C19orf47: variants seen among roughly 807,000 people sequenced by gnomAD.
C19orf47 encodes uncharacterized protein C19orf47.
C19orf47 carries 18 observed loss-of-function variants against 32.3 expected under a neutral mutation model. The observed-to-expected ratio is 0.56, with a 90% CI of 0.39 to 0.83. The LOEUF is 0.83. Among genes scored for constraint, C19orf47 ranks in the 40% least tolerant of loss-of-function variants. The pLI is 0.00. For missense variants in C19orf47, 484 were observed against 531.6 expected (o/e 0.91, Z 0.88); for synonymous variants, 202 against 211.1 (o/e 0.96, Z 0.37).
the C19orf47 span, among the ~76,000 whole-genome samples, chr19:40,310,592 T>A: frequency 6.6e-6 from 1 of 152,156 alleles, no homozygotes; most frequent in African/African-American, 2.4e-5. Flanking sequence ...ATTGTTCACT[T>A]TAAATGAGTG....
chr19:40,305,003 C>T, the C19orf47 span, among the ~76,000 whole-genome samples: 6 of 151,764 alleles, frequency 4.0e-5, no homozygotes, highest in African/African-American at 1.5e-4. Context: ...CTGAGGTGGG[C>T]GGATCACTTG....
chr19:40,336,312 C>A lies in C19orf47; in HGVS notation c.107+8G>T, dbSNP rs554482093. On this transcript the variant is annotated splice_region_variant and intron_variant, in intron 3 of 8. Coordinates refer to ENST00000683109, the MANE Select transcript of C19orf47 (RefSeq NM_001256441.2). ...CCACCACCCCATCCCCAAGTTCAGC[C>A]TCCTCACCTATTATCCACAAACATC... 1.5e-5 allele frequency: 24 copies of A among 1,614,184 alleles called. No homozygotes were observed. The African/African-American group carries it at 2.4e-4, about 16-fold the overall frequency.
rs1349521393 is a variant in C19orf47 at position 40,319,550 on chromosome 19, T to C, written c.*2332A>G. ...AGGCCCTTGGCTTTTTTTTTTTTTT[T>C]TTTTGAGATGGAGTCTCGCTCTTGT... On this transcript the variant is annotated 3_prime_UTR_variant, in exon 9 of 9. Coordinates refer to ENST00000683109, the MANE Select transcript of C19orf47 (RefSeq NM_001256441.2). 1 of 151,492 alleles carries C rather than the reference T, an allele frequency of 6.6e-6. No homozygotes were observed. The highest frequency in any genetic ancestry group is 1.5e-5 in the Non-Finnish European group (1 of 67,906). The allele number at this position is 151,492 out of a possible 1,614,324, so 9.4% of individuals were successfully genotyped here.
rs2077719862 is a variant in C19orf47, at chr19:40,321,665, G to A, written c.*217C>T. 3 of 1,393,422 alleles carry A rather than the reference G, an allele frequency of 2.2e-6. No homozygotes were observed. The African/African-American group carries it at 4.3e-5, about 20-fold the overall frequency. 86.3% of individuals were successfully genotyped at this position (1,393,422 alleles called of 1,614,324 possible). ...AGAAGAAAGCACAGAGGACATGAGA[G>A]AAGGGGAGTCCTGGAGCAGGCCAGG... On this transcript the variant is annotated 3_prime_UTR_variant, in exon 9 of 9. Coordinates refer to ENST00000683109, the MANE Select transcript of C19orf47 (RefSeq NM_001256441.2).
At chr19:40,301,372 G>A in the C19orf47 span, among the ~76,000 whole-genome samples, 3 of 145,314 alleles carry the variant, frequency 2.1e-5, no homozygotes, top group Admixed American at 6.9e-5. Flanking sequence ...ACAGAGTCTC[G>A]CTCTGTCGCC....
chr19:40,313,800 T>C, the C19orf47 span, among the ~76,000 whole-genome samples: 1 of 152,096 alleles, frequency 6.6e-6, no homozygotes, highest in Non-Finnish European at 1.5e-5. Flanking sequence ...GCTACGATTG[T>C]GCCTCTGCAA....
chr19:40,327,563 G>A (rs16974196), intron 6 of C19orf47, among the ~76,000 whole-genome samples: 37,279 of 152,048 alleles, frequency 0.25, 5,776 homozygotes, highest in South Asian at 0.48. Flanking sequence ...TGGACGGGGC[G>A]TGATAGGAGT....
At chr19:40,324,769 G>A (rs1179551558) in intron 7 of C19orf47, 1 of 152,276 alleles carries the variant, frequency 6.6e-6, no homozygotes, top group Non-Finnish European at 1.5e-5. Flanking sequence ...CATGGTGGGA[G>A]GTGGTGGTGG....
Position 40,348,336 on chromosome 19 carries a change from G to A in C19orf47, c.-46C>T, listed in dbSNP as rs1243971352. On this transcript the variant is annotated 5_prime_UTR_variant, in exon 1 of 9. Coordinates refer to ENST00000683109, the MANE Select transcript of C19orf47 (RefSeq NM_001256441.2). ...GCCCGCGCCTCACCTGGCCCACCGG[G>A]CCCGCGCCCACTCGCGCCGCCCGCC... 2.9e-6 allele frequency: 4 copies of A among 1,368,652 alleles called. No individual in the cohort carries two copies. The highest frequency in any genetic ancestry group is 3.8e-6 in the Non-Finnish European group (4 of 1,062,582). 84.8% of individuals were successfully genotyped at this position (1,368,652 alleles called of 1,614,324 possible). A position where few individuals can be genotyped will look rare whatever the true frequency, so the allele number is the denominator to read the frequency against.
Position 40,348,397 on chromosome 19 carries a change from C to G in C19orf47, c.-107G>C. 4.7e-6 allele frequency: 7 copies of G among 1,474,650 alleles called. No homozygotes were observed. The highest frequency in any genetic ancestry group is 6.3e-6 in the Non-Finnish European group (7 of 1,117,358). 91.3% of individuals were successfully genotyped at this position (1,474,650 alleles called of 1,614,324 possible). A position where few individuals can be genotyped will look rare whatever the true frequency, so the allele number is the denominator to read the frequency against. On this transcript the variant is annotated 5_prime_UTR_variant, in exon 1 of 9. Coordinates refer to ENST00000683109, the MANE Select transcript of C19orf47 (RefSeq NM_001256441.2). Reference sequence around the variant, plus strand: ...GCGGCGCCAACTGTCAGACACTCCTCCCCCGGCCCGGGCTGCCCGCCCCGG... The same window carrying G: ...GCGGCGCCAACTGTCAGACACTCCTGCCCCGGCCCGGGCTGCCCGCCCCGG...
At chr19:40,323,480 T>G (rs1402710815) in intron 8 of C19orf47, among the ~76,000 whole-genome samples, 1 of 152,188 alleles carries the variant, frequency 6.6e-6, no homozygotes, top group Non-Finnish European at 1.5e-5. Context: ...AAGTACAGGC[T>G]GCATCATGGG....
At chr19:40,324,189 C>T in intron 7 of C19orf47, 113 bp from the exon 8 acceptor site, 1 of 1,026,138 alleles carries the variant, frequency 9.7e-7, no homozygotes, top group Non-Finnish European at 1.5e-6. Context: ...CAGGCAGGGC[C>T]AGACTGTGCT....
chr19:40,298,075 CTT>C, the C19orf47 span, among the ~76,000 whole-genome samples: 1 of 151,068 alleles, frequency 6.6e-6, no homozygotes, highest in Non-Finnish European at 1.5e-5. Context: ...AGGGAAATGA[CTT>C]GGGAGAGCTG....
At chr19:40,299,055 G>A in the C19orf47 span, among the ~76,000 whole-genome samples, 3 of 152,238 alleles carry the variant, frequency 2.0e-5, no homozygotes, top group East Asian at 3.9e-4. Context: ...ATAAAAAAGA[G>A]TGAAAGATTT....
the C19orf47 span, among the ~76,000 whole-genome samples, chr19:40,308,382 C>T: frequency 6.6e-6 from 1 of 151,950 alleles, no homozygotes; most frequent in Non-Finnish European, 1.5e-5. Flanking sequence ...GTCTCGCTCT[C>T]CTGACCTGGT....
At chr19:40,297,971 C>G in the C19orf47 span, among the ~76,000 whole-genome samples, 4 of 150,186 alleles carry the variant, frequency 2.7e-5, no homozygotes, top group East Asian at 7.8e-4. Context: ...AACCCAGAGG[C>G]AGAGGCTGCA....
At chr19:40,312,880 G>A in the C19orf47 span, among the ~76,000 whole-genome samples, 2 of 152,208 alleles carry the variant, frequency 1.3e-5, no homozygotes, top group Non-Finnish European at 2.9e-5. Context: ...GTTTTGGGGT[G>A]ATTAGTGATG....
chr19:40,322,448 CTG>C (rs2077740756), intron 8 of C19orf47, 72 bp from the exon 9 acceptor site: 1 of 1,460,790 alleles, frequency 6.8e-7, no homozygotes, highest in East Asian at 2.4e-5. Flanking sequence ...GCTGCTTCCT[CTG>C]TGCCTGGCCT....
the C19orf47 span, among the ~76,000 whole-genome samples, chr19:40,310,101 A>C: frequency 2.0e-5 from 3 of 152,248 alleles, no homozygotes; most frequent in South Asian, 6.2e-4. Context: ...ACAATAGCCC[A>C]AAAGTATAAA....
Sources: allele counts gnomAD v4.1 joint callset (sites outside exome capture counted in the v4.1 genomes callset), GRCh38; gene constraint gnomAD v4.1.1; transcripts MANE v1.5; gene names NCBI Gene and HGNC (gene_info 2026-07-23, HGNC 2026-07-21).